The following GPR146 variants were observed in gnomAD, a reference collection of about 807,000 sequenced individuals.
GPR146 encodes G protein-coupled receptor 146, also known as G-protein coupled receptor 146.
For missense variants in GPR146, 381 were observed against 213.9 expected, an observed-to-expected ratio of 1.78 and a Z score of -4.87; for synonymous variants, 203 against 104.3, an observed-to-expected ratio of 1.95 and a Z score of -5.77.
chr7:1,058,109 G>A lies in GPR146; in HGVS notation c.594G>A (p.Val198=). 2.6e-6 allele frequency: 2 copies of A among 762,170 alleles called. No homozygotes were observed. The highest frequency in any genetic ancestry group is 2.7e-5 in the South Asian group (2 of 74,138). 47.2% of individuals were successfully genotyped at this position (762,170 alleles called of 1,614,324 possible). The part of the protein sequence containing the change: ...DATLVFIGYV[V]PALATLYALV... ...CGCTGGTGTTCATCGGCTACGTGGT[G>A]CCAGCACTGGCCACCCTCTACGCGC... Residue 198 remains valine (V), a synonymous_variant, in exon 2 of 2, where the codon GTG becomes GTA. Transcript: ENST00000444847.
chr7:1,049,052 T>G lies in GPR146; in HGVS notation c.-25+4394T>G, dbSNP rs1243841987. The stretch of plus-strand genomic sequence containing the variant: ...TCCCCAGGCCTCCGCTGTCTGAGCG[T>G]GCGCTCCCCAGGCCTCCGCGGTCTG... On this transcript the variant is annotated intron_variant, in intron 1 of 1. Coordinates refer to ENST00000444847, the MANE Select transcript of GPR146 (RefSeq NM_001303473.2). Among the ~76,000 whole-genome samples, 5 of 152,224 alleles carry G rather than the reference T, an allele frequency of 3.3e-5. No homozygotes were observed. In the East Asian group the frequency reaches 9.6e-4, roughly 29 times the overall value.
chr7:1,051,496 G>A (rs979583531), intron 1 of GPR146, among the ~76,000 whole-genome samples: 1 of 152,204 alleles, frequency 6.6e-6, no homozygotes, highest in Non-Finnish European at 1.5e-5. Context: ...ATTCCGCTGG[G>A]CTTTCTAAGC....
At position 1,057,575 on chromosome 7, in the gene GPR146, G is replaced by A; in HGVS notation, c.60G>A (p.Gln20=). The A allele has an allele frequency of 1.3e-6, 1 of 773,084 alleles. No individual in the cohort carries two copies. Among genetic ancestry groups the A allele is most frequent in the Non-Finnish European group, 2.4e-6 (1 of 416,728 alleles). 47.9% of individuals were successfully genotyped at this position (773,084 alleles called of 1,614,324 possible). The change falls in exon 2 of 2, where the codon CAG becomes CAA. Residue 20 remains glutamine (Q), a synonymous_variant. Coordinates refer to ENST00000444847, the MANE Select transcript of GPR146 (RefSeq NM_001303473.2). ...TGLVEELPAC[Q]DLQLGLSLLS... is the part of the protein sequence containing the mutation. ...TGGTGGAGGAGCTGCCTGCCTGCCAGGACCTGCAGCTGGGGCTGTCACTGT... is the reference window on the plus strand; with the variant it reads ...TGGTGGAGGAGCTGCCTGCCTGCCAAGACCTGCAGCTGGGGCTGTCACTGT...
chr7:1,057,201 C>A (rs1783896752), intron 1 of GPR146, among the ~76,000 whole-genome samples: 1 of 152,200 alleles, frequency 6.6e-6, no homozygotes, highest in African/African-American at 2.4e-5. Flanking sequence ...CCAGGCCTCG[C>A]AGCAGCCCGT....
rs531430874 is a variant in GPR146 at position 1,053,268 on chromosome 7, G to A, written c.-24-4224G>A. ...CTCTGCGTCCAGGCAGGCACATGGG[G>A]CCCAGGCCATCCCCCTCACTCGGAC... On this transcript the variant is annotated intron_variant, in intron 1 of 1. Transcript: ENST00000444847. Among the ~76,000 whole-genome samples the A allele has an allele frequency of 4.6e-5, 7 of 152,392 alleles. No homozygotes were observed. In the South Asian group the frequency reaches 8.3e-4, roughly 18 times the overall value.
At chr7:1,045,427 A>T (rs1428257371) in intron 1 of GPR146, 1 of 152,218 alleles carries the variant, frequency 6.6e-6, no homozygotes, top group Non-Finnish European at 1.5e-5. Flanking sequence ...ACAGCACGAC[A>T]TCTTTTATCT....
intron 1 of GPR146, among the ~76,000 whole-genome samples, chr7:1,055,726 C>T (rs1305201850): frequency 3.3e-5 from 5 of 152,088 alleles, no homozygotes; most frequent in Non-Finnish European, 5.9e-5. Flanking sequence ...CCGGGTGTGC[C>T]CTCCTGTCAG....
chr7:1,048,238 C>G (rs762130245), intron 1 of GPR146, among the ~76,000 whole-genome samples: 7 of 152,134 alleles, frequency 4.6e-5, no homozygotes, highest in Non-Finnish European at 7.4e-5. Flanking sequence ...TGGGGATCAC[C>G]GGGCGTGGGA....
rs574606373 is a variant in GPR146 at position 1,050,225 on chromosome 7, C to T, written c.-25+5567C>T. On this transcript the variant is annotated intron_variant, in intron 1 of 1. Transcript: ENST00000444847. ...GTGCACCCTGTGGGCAGTGACTCCTCAGGCACAGTGGCCCAAAGTCACAGG... is the reference window on the plus strand; with the variant it reads ...GTGCACCCTGTGGGCAGTGACTCCTTAGGCACAGTGGCCCAAAGTCACAGG... Among the ~76,000 whole-genome samples the T allele has an allele frequency of 1.2e-3, 177 of 152,384 alleles. 2 individuals are homozygous for T. The highest frequency in any genetic ancestry group is 2.5e-3 in the South Asian group (12 of 4,832).
Position 1,057,691 on chromosome 7 carries a change from T to G in GPR146, c.176T>G (p.Met59Arg), listed in dbSNP as rs1379962559. The change falls in exon 2 of 2, where the codon ATG (methionine) becomes AGG (arginine). Residue 59 changes from methionine to arginine, a missense_variant. Physicochemically the swap from Met to Arg is moderately conservative, Grantham distance 91 (BLOSUM62 -1). Coordinates refer to ENST00000444847, the MANE Select transcript of GPR146 (RefSeq NM_001303473.2). ...VLANLHSKAS[M>R]TMPDVYFVNM... ...GCCAACCTACACAGCAAGGCCAGCA[T>G]GACCATGCCGGACGTGTACTTTGTC... 1.3e-6 allele frequency: 1 copy of G among 774,264 alleles called. No individual in the cohort carries two copies. The allele number at this position is 774,264 out of a possible 1,614,324, so 48.0% of individuals were successfully genotyped here. A position where few individuals can be genotyped will look rare whatever the true frequency, so the allele number is the denominator to read the frequency against.
intron 1 of GPR146, among the ~76,000 whole-genome samples, 173 bp from the exon 2 acceptor site, chr7:1,057,319 C>T (rs758820173): frequency 1.6e-4 from 25 of 152,278 alleles, no homozygotes; most frequent in Non-Finnish European, 2.9e-4. Context: ...CGACCCGAGA[C>T]GGCCATTTTT....
In GPR146 at chr7:1,057,825, G is replaced by T; in HGVS notation, c.310G>T (p.Ala104Ser). 1.3e-6 allele frequency: 1 copy of T among 777,440 alleles called. No homozygotes were observed. 48.2% of individuals were successfully genotyped at this position (777,440 alleles called of 1,614,324 possible). Reference sequence around the variant, plus strand: ...GAGTGTGGGCGGCGAAGTCCACGTGGCACTGCAGATCCCCTTCAATGTGTC... The same window carrying T: ...GAGTGTGGGCGGCGAAGTCCACGTGTCACTGCAGATCCCCTTCAATGTGTC... The part of the protein sequence containing the change: ...LWSVGGEVHV[A>S]LQIPFNVSSL... The change falls in exon 2 of 2, where the codon GCA becomes TCA. Residue 104 changes from alanine (A) to serine (S), a missense_variant. Physicochemically the swap from Ala to Ser is moderately conservative, Grantham distance 99. Coordinates refer to ENST00000444847, the MANE Select transcript of GPR146 (RefSeq NM_001303473.2).
intron 1 of GPR146, among the ~76,000 whole-genome samples, chr7:1,050,335 CTCAGA>C (rs1388693884): frequency 2.0e-5 from 3 of 152,254 alleles, no homozygotes; most frequent in African/African-American, 7.2e-5. Context: ...TTTGCTCAGG[CTCAGA>C]GCAGAGCAGG....
intron 1 of GPR146, among the ~76,000 whole-genome samples, chr7:1,046,702 A>T (rs1215974260): frequency 6.7e-6 from 1 of 150,126 alleles, no homozygotes; most frequent in Non-Finnish European, 1.5e-5. Context: ...TGAGCAGCAG[A>T]GGGACAAGGT....
At chr7:1,046,268 C>A (rs1053271710) in intron 1 of GPR146, among the ~76,000 whole-genome samples, 3 of 152,310 alleles carry the variant, frequency 2.0e-5, no homozygotes, top group Non-Finnish European at 2.9e-5. Context: ...TGCCGCCTGG[C>A]CTTTAATGAC....
rs1783284111 is a variant in GPR146, at chr7:1,052,980, C to T, written c.-24-4512C>T. On this transcript the variant is annotated intron_variant, in intron 1 of 1. Transcript: ENST00000444847. This position sits in a 1 kb window ranked among gnomAD's most constrained non-coding sequence, Gnocchi z 4.2. ...GCTTTCTCTCCCAGCCTCTAAGTCT[C>T]CCATCACCTGGCTCCCCGTTCCTCT... Among the ~76,000 whole-genome samples, 1 of 152,184 alleles carries T rather than the reference C, an allele frequency of 6.6e-6. No individual in the cohort carries two copies. Among genetic ancestry groups the T allele is most frequent in the Admixed American group, 6.5e-5 (1 of 15,284 alleles).
intron 1 of GPR146, among the ~76,000 whole-genome samples, chr7:1,051,177 C>T (rs953263226): frequency 3.9e-5 from 6 of 152,242 alleles, no homozygotes; most frequent in African/African-American, 1.4e-4. Flanking sequence ...CTTCCTGTCA[C>T]TCAGAGAAGC....
chr7:1,049,927 G>A (rs1782937144), intron 1 of GPR146, among the ~76,000 whole-genome samples: 2 of 152,146 alleles, frequency 1.3e-5, no homozygotes, highest in South Asian at 4.1e-4. Context: ...CACCAGCCAG[G>A]CCTGGCAGCA....
intron 1 of GPR146, among the ~76,000 whole-genome samples, chr7:1,053,492 C>A (rs534892537): frequency 6.6e-6 from 1 of 152,216 alleles, no homozygotes; most frequent in Admixed American, 6.5e-5. Context: ...GGCCCTGGCA[C>A]GCTGTGGTTC....
Sources: gnomAD v4.1 joint callset for allele counts (sites outside exome capture counted in the v4.1 genomes callset) on GRCh38, gnomAD v4.1.1 for gene constraint, Gnocchi (gnomAD v3.1) non-coding constraint, MANE v1.5 for transcripts, NCBI Gene and HGNC (gene_info 2026-07-23, HGNC 2026-07-21) for gene names.